RYR3: variants seen among roughly 807,000 people sequenced by gnomAD.
RYR3 encodes ryanodine receptor 3, also known as brain ryanodine receptor-calcium release channel.
Under a neutral mutation model 584.3 loss-of-function variants are expected in RYR3, and 207 were observed. The observed-to-expected ratio is 0.35, with a 90% confidence interval of 0.32 to 0.40. The LOEUF (loss-of-function observed/expected upper bound fraction) is 0.40. Among genes scored for constraint, RYR3 ranks in the 10% least tolerant of loss-of-function variants. RYR3 has a pLI of 1.00. For missense variants in RYR3, 5,616 were observed against 6,089.2 expected (o/e 0.92, Z 2.59); for synonymous variants, 2,416 against 2,248.5 (o/e 1.07, Z -2.11).
chr15:33,695,947 CTTTTTTTTTTTTTT>C (rs1165160004), intron 38 of RYR3, among the ~76,000 whole-genome samples: 1 of 95,456 alleles, frequency 1.0e-5, no homozygotes, highest in Non-Finnish European at 2.1e-5. Flanking sequence ...CCACACCCAG[CTTTTTTTTTTTTTT>C]TTTTTTTTTT....
chr15:33,609,966 A>G (rs185851730), intron 18 of RYR3, among the ~76,000 whole-genome samples: 1 of 152,230 alleles, frequency 6.6e-6, no homozygotes, highest in African/African-American at 2.4e-5. Flanking sequence ...AATTTTACCT[A>G]TAGGTGCTTC....
At chr15:33,324,019 GTATAA>G (rs1439649901) in intron 1 of RYR3, among the ~76,000 whole-genome samples, 1 of 152,122 alleles carries the variant, frequency 6.6e-6, no homozygotes, top group Non-Finnish European at 1.5e-5. Flanking sequence ...CACAGGTTAG[GTATAA>G]TATGTCACTG....
At chr15:33,857,324 C>T (rs1006038912) in intron 98 of RYR3, among the ~76,000 whole-genome samples, 17 of 152,150 alleles carry the variant, frequency 1.1e-4, no homozygotes, top group South Asian at 6.2e-4. Context: ...TTCCCCTGAC[C>T]GTCCCTTCAC....
intron 84 of RYR3, 33 bp downstream of exon 84, chr15:33,826,785 A>G (rs371585309): frequency 1.1e-4 from 151 of 1,418,498 alleles, no homozygotes; most frequent in Middle Eastern, 7.2e-4. Context: ...CCAAGGAAAC[A>G]CAGCACTCGG....
intron 1 of RYR3, among the ~76,000 whole-genome samples, chr15:33,389,425 G>C (rs1438419839): frequency 6.6e-6 from 1 of 152,142 alleles, no homozygotes; most frequent in East Asian, 1.9e-4. Context: ...AAATAAAAGT[G>C]GTTGCTACTA....
At chr15:33,348,495 G>C (rs1324201978) in intron 1 of RYR3, among the ~76,000 whole-genome samples, 1 of 152,094 alleles carries the variant, frequency 6.6e-6, no homozygotes, top group African/African-American at 2.4e-5. Context: ...TTATTTTTGA[G>C]ATGGAGTTTC....
chr15:33,340,150 A>C (rs1971649803), intron 1 of RYR3, among the ~76,000 whole-genome samples: 1 of 152,188 alleles, frequency 6.6e-6, no homozygotes, highest in Admixed American at 6.5e-5. Flanking sequence ...GCTTCTTCCA[A>C]CTTAGTGGCT....
chr15:33,410,889 C>T (rs1489150515), intron 1 of RYR3, among the ~76,000 whole-genome samples: 1 of 152,174 alleles, frequency 6.6e-6, no homozygotes, highest in African/African-American at 2.4e-5. Context: ...AAAGGAGAAG[C>T]AAAGGCACAT....
rs902696613 is a variant in RYR3 at position 33,548,190 on chromosome 15, A to T, written c.801A>T (p.Glu267Asp). 3 of 1,610,366 alleles carry T rather than the reference A, an allele frequency of 1.9e-6. No individual in the cohort carries two copies. The highest frequency in any genetic ancestry group is 1.7e-5 in the Admixed American group (1 of 59,800). ...GAGCCAGGTCTCTTTGGAGAGTGGA[A>T]CCCCTTCGGATAAGGTAATGGAAGG... ...GTRARSLWRVEPLRISWSGSN... is the reference protein window; with the variant it reads ...GTRARSLWRVDPLRISWSGSN... Residue 267 changes from glutamate (E) to aspartate (D), a missense_variant, in exon 9 of 104, where the codon GAA (glutamate) becomes GAT (aspartate). By Grantham distance (45) the Glu-to-Asp change is conservative (BLOSUM62 2). This residue lies in a region of RYR3 where 1,284 missense variants were observed against 1,344.6 expected (regional missense o/e 0.95). Transcript: ENST00000634891.
chr15:33,371,275 A>G (rs1200219174), intron 1 of RYR3, among the ~76,000 whole-genome samples: 2 of 152,096 alleles, frequency 1.3e-5, no homozygotes, highest in African/African-American at 4.8e-5. Context: ...TCCTGCTGCT[A>G]TTTGGAGCAG....
intron 60 of RYR3, among the ~76,000 whole-genome samples, chr15:33,764,130 A>G (rs2195558): frequency 0.078 from 11,836 of 152,178 alleles, 1,474 homozygotes; most frequent in African/African-American, 0.27. Flanking sequence ...ATGCCCGTGT[A>G]CGTTTATTGC....
intron 39 of RYR3, among the ~76,000 whole-genome samples, chr15:33,696,779 C>T (rs1265724879): frequency 6.6e-6 from 1 of 152,088 alleles, no homozygotes; most frequent in Non-Finnish European, 1.5e-5. Context: ...GAGGAAGGGA[C>T]GGTGTGTTCA....
At chr15:33,785,390 T>A (rs993648181) in intron 65 of RYR3, among the ~76,000 whole-genome samples, 1 of 152,174 alleles carries the variant, frequency 6.6e-6, no homozygotes, top group Non-Finnish European at 1.5e-5. Flanking sequence ...AGGAACTAAC[T>A]ATCCCTCATC....
intron 1 of RYR3, among the ~76,000 whole-genome samples, chr15:33,402,199 G>A (rs1201542563): frequency 7.9e-5 from 12 of 151,972 alleles, no homozygotes; most frequent in African/African-American, 1.9e-4. Flanking sequence ...AAGACTATCC[G>A]GTAGGAAAGA....
intron 1 of RYR3, chr15:33,465,801 A>G (rs930893765): frequency 5.8e-6 from 3 of 518,862 alleles, no homozygotes; most frequent in Non-Finnish European, 1.2e-5. Flanking sequence ...AGAAAGTAGA[A>G]TGAGAAGAAT....
intron 37 of RYR3, 116 bp from the exon 38 acceptor site, chr15:33,670,303 G>A: frequency 9.7e-7 from 1 of 1,033,702 alleles, no homozygotes; most frequent in Admixed American, 2.0e-5. Flanking sequence ...TAGAAAGCCT[G>A]TAGTATCTTT....
At chr15:33,585,876 A>T in intron 15 of RYR3, 122 bp from the exon 16 acceptor site, 1 of 621,830 alleles carries the variant, frequency 1.6e-6, no homozygotes, top group East Asian at 2.8e-5. Flanking sequence ...GATTTGATAG[A>T]TTCAAAGAAT....
At chr15:33,825,506 G>T in intron 81 of RYR3, 97 bp from the exon 82 acceptor site, 1 of 741,988 alleles carries the variant, frequency 1.3e-6, no homozygotes, top group Non-Finnish European at 2.3e-6. Context: ...GATAACACAG[G>T]GGCAGGATAT....
intron 60 of RYR3, among the ~76,000 whole-genome samples, chr15:33,765,410 A>G (rs913890227): frequency 6.6e-6 from 1 of 152,110 alleles, no homozygotes; most frequent in Non-Finnish European, 1.5e-5. Context: ...AGGCAGGCGG[A>G]TCATCTGAGG....
Sources: gnomAD v4.1 joint callset for allele counts (sites outside exome capture counted in the v4.1 genomes callset) on GRCh38, gnomAD v4.1.1 for gene constraint, gnomAD v4.1.1 regional missense constraint, MANE v1.5 for transcripts, NCBI Gene and HGNC (gene_info 2026-07-23, HGNC 2026-07-21) for gene names.